The following ROCK2 variants were observed in gnomAD, a reference collection of about 807,000 sequenced individuals.
ROCK2 encodes the protein rho-associated protein kinase 2.
Under a neutral mutation model 195.1 loss-of-function variants are expected in ROCK2, and 61 were observed. The ratio of observed to expected loss-of-function variants is 0.31; its 90% CI spans 0.25 to 0.39. ROCK2 has a LOEUF of 0.39. ROCK2 is among the 10% of genes least tolerant of loss of function. ROCK2 has a pLI of 1.00. For missense variants in ROCK2, 1,109 were observed against 1,637.4 expected (o/e 0.68, Z 5.57); for synonymous variants, 504 against 545.5 (o/e 0.92, Z 1.06).
intron 1 of ROCK2, among the ~76,000 whole-genome samples, chr2:11,322,794 T>C (rs565570925): frequency 6.6e-6 from 1 of 152,206 alleles, no homozygotes; most frequent in East Asian, 1.9e-4. Context: ...GATACCACAG[T>C]TGTGAAGAGC....
At chr2:11,330,318 C>T (rs1668678638) in intron 1 of ROCK2, among the ~76,000 whole-genome samples, 2 of 152,090 alleles carry the variant, frequency 1.3e-5, no homozygotes, top group Admixed American at 6.6e-5. Context: ...TAGAGCCCCA[C>T]GTTATTGAAT....
chr2:11,319,789 T>C (rs1055528520), intron 1 of ROCK2, among the ~76,000 whole-genome samples: 2 of 152,192 alleles, frequency 1.3e-5, no homozygotes, highest in Non-Finnish European at 2.9e-5. Flanking sequence ...GATCTACACA[T>C]TTCTAAACAC....
In ROCK2 at chr2:11,317,605, TA is replaced by T. The variant is rs1558388484; in HGVS notation, c.141+26390del. On this transcript the variant is annotated intron_variant, in intron 1 of 32. Transcript: ENST00000315872. ...ATATATATATATATATATATATATA[TA>T]TATATATTTTTTTTTTTTTTTAATT... 8.8e-4 allele frequency among the ~76,000 whole-genome samples: 20 copies of T among 22,704 alleles called. 1 individual carries two copies. The highest frequency in any genetic ancestry group is 1.2e-3 in the African/African-American group (8 of 6,830). 14.9% of individuals were successfully genotyped at this position (22,704 alleles called of 152,430 possible). A position where few individuals can be genotyped will look rare whatever the true frequency, so the allele number is the denominator to read the frequency against.
chr2:11,333,949 G>C (rs1668844880), intron 1 of ROCK2, among the ~76,000 whole-genome samples: 1 of 152,146 alleles, frequency 6.6e-6, no homozygotes, highest in Admixed American at 6.5e-5. Flanking sequence ...CTAAAACACT[G>C]AATAAAATTC....
intron 1 of ROCK2, among the ~76,000 whole-genome samples, chr2:11,332,290 T>C (rs1426925861): frequency 3.3e-5 from 5 of 152,214 alleles, no homozygotes; most frequent in Non-Finnish European, 7.3e-5. Context: ...TAAACACTTA[T>C]CAGTAGGATA....
chr2:11,238,068 A>G lies in ROCK2; in HGVS notation c.463-2106T>C, dbSNP rs758310725. Among the ~76,000 whole-genome samples the G allele has an allele frequency of 2.0e-5, 3 of 152,336 alleles. No individual in the cohort carries two copies. In the East Asian group the frequency reaches 5.8e-4, roughly 29 times the overall value. On this transcript the variant is annotated intron_variant, in intron 4 of 32. Transcript: ENST00000315872. ...ACTCCAGGCTGGGCGACAGAGTGAG[A>G]CTTTGACTAGCGGGGAGAAAAGGAA... is the stretch of plus-strand genomic sequence containing the variant.
rs530430242 is a variant in ROCK2 at position 11,307,592 on chromosome 2, G to A, written c.142-19856C>T. On this transcript the variant is annotated intron_variant, in intron 1 of 32. Coordinates refer to ENST00000315872, the MANE Select transcript of ROCK2 (RefSeq NM_004850.5). ...CTCCCCAAGTGCTGGTATTACAGGCGTTAGCCACCGCACCCAGCCAGAAAA... is the reference window on the plus strand; with the variant it reads ...CTCCCCAAGTGCTGGTATTACAGGCATTAGCCACCGCACCCAGCCAGAAAA... Among the ~76,000 whole-genome samples, 13 of 152,260 alleles carry A rather than the reference G, an allele frequency of 8.5e-5. No homozygotes were observed. In the South Asian group the frequency reaches 1.7e-3, roughly 19 times the overall value.
At chr2:11,228,434 T>C (rs976766113) in intron 5 of ROCK2, among the ~76,000 whole-genome samples, 8 of 152,270 alleles carry the variant, frequency 5.3e-5, no homozygotes, top group Non-Finnish European at 7.4e-5. Context: ...TTCCCACATA[T>C]ATAGCAAATA....
chr2:11,329,357 T>G (rs959128544), intron 1 of ROCK2, among the ~76,000 whole-genome samples: 9 of 152,142 alleles, frequency 5.9e-5, no homozygotes, highest in South Asian at 2.1e-4. Context: ...TGAGTAGTTC[T>G]GTTTAAAAGA....
intron 19 of ROCK2, 31 bp downstream of exon 19, chr2:11,208,256 A>AC: frequency 1.6e-6 from 2 of 1,223,518 alleles, no homozygotes; most frequent in Non-Finnish European, 2.1e-6. Flanking sequence ...TCATTAGTTT[A>AC]TTATTAATCA....
At chr2:11,193,198 A>G (rs907814904) in intron 30 of ROCK2, among the ~76,000 whole-genome samples, 20 of 152,210 alleles carry the variant, frequency 1.3e-4, no homozygotes, top group African/African-American at 4.8e-4. Context: ...AGAAAGAGGA[A>G]AGGATGTGTA....
intron 3 of ROCK2, among the ~76,000 whole-genome samples, chr2:11,281,947 A>C (rs540568351): frequency 6.6e-6 from 1 of 152,212 alleles, no homozygotes; most frequent in African/African-American, 2.4e-5. Flanking sequence ...AAGTTGGTCT[A>C]TATTTTCAAT....
chr2:11,342,783 A>C (rs1241305763), intron 1 of ROCK2, among the ~76,000 whole-genome samples: 1 of 152,226 alleles, frequency 6.6e-6, no homozygotes, highest in Non-Finnish European at 1.5e-5. Flanking sequence ...CATGTGACAC[A>C]ATATAGCACA....
At chr2:11,191,948 TAGTA>T (rs1357565569) in intron 32 of ROCK2, among the ~76,000 whole-genome samples, 196 bp downstream of exon 32, 4 of 152,230 alleles carry the variant, frequency 2.6e-5, no homozygotes, top group African/African-American at 4.8e-5. Flanking sequence ...GTGTGTGATT[TAGTA>T]AGTAAGTTTA....
chr2:11,277,612 C>A (rs181280811), intron 3 of ROCK2, among the ~76,000 whole-genome samples: 1 of 152,154 alleles, frequency 6.6e-6, no homozygotes. Flanking sequence ...TACTTCACTT[C>A]GAGTAATAGT....
rs142208998 is a variant in ROCK2 at position 11,310,872 on chromosome 2, C to G, written c.142-23136G>C. On this transcript the variant is annotated intron_variant, in intron 1 of 32. Coordinates refer to ENST00000315872, the MANE Select transcript of ROCK2 (RefSeq NM_004850.5). ...ATAAATGATACACATTTATTCTCAT[C>G]TACTCTTATTCTTGTAATAAAGCAA... Among the ~76,000 whole-genome samples, 1,311 of 151,988 alleles carry G rather than the reference C, an allele frequency of 8.6e-3. 20 individuals carry two copies. The highest frequency in any genetic ancestry group is 0.03 in the African/African-American group (1,248 of 41,422).
At chr2:11,222,672 TATC>T (rs1250886668) in intron 7 of ROCK2, among the ~76,000 whole-genome samples, 2 of 152,162 alleles carry the variant, frequency 1.3e-5, no homozygotes, top group East Asian at 1.9e-4. Context: ...ATATTAAACT[TATC>T]ATTCTGCATA....
At chr2:11,214,276 CT>C in intron 17 of ROCK2, 80 bp downstream of exon 17, 1 of 737,136 alleles carries the variant, frequency 1.4e-6, no homozygotes, top group Non-Finnish European at 2.3e-6. Context: ...CAGTTAGTGA[CT>C]TCCCTTAGTT....
chr2:11,236,315 C>A (rs891878317), intron 4 of ROCK2, among the ~76,000 whole-genome samples: 1 of 151,882 alleles, frequency 6.6e-6, no homozygotes, highest in African/African-American at 2.4e-5. Flanking sequence ...TTAAAAAAAA[C>A]AGCTTTCTGA....
Sources: gnomAD v4.1 joint callset for allele counts (sites outside exome capture counted in the v4.1 genomes callset) on GRCh38, gnomAD v4.1.1 for gene constraint, MANE v1.5 for transcripts, NCBI Gene and HGNC (gene_info 2026-07-23, HGNC 2026-07-21) for gene names.